Variants in NMS observed in about 807,000 individuals in gnomAD.
NMS encodes the protein neuromedin S, also known as neuromedin-S.
Under a neutral mutation model 32.2 loss-of-function variants are expected in NMS, and 30 were observed. The observed-to-expected ratio is 0.93, with a 90% CI of 0.70 to 1.26. NMS has a LOEUF of 1.26. NMS is among the 50% of genes most tolerant of loss of function. NMS has a pLI of 0.00. For missense variants in NMS, 190 were observed against 186.3 expected, an observed-to-expected ratio of 1.02 and a Z score of -0.12; for synonymous variants, 76 against 58.5, an observed-to-expected ratio of 1.30 and a Z score of -1.37.
chr2:100,483,187 T>A (rs917009656), intron 9 of NMS, 65 bp from the exon 10 acceptor site: 37 of 1,456,598 alleles, frequency 2.5e-5, no homozygotes, highest in Non-Finnish European at 1.9e-6. Flanking sequence ...AACCTGCCCA[T>A]GGGCTTTGTC....
intron 3 of NMS, among the ~76,000 whole-genome samples, chr2:100,474,558 G>C (rs1677070432): frequency 6.6e-6 from 1 of 152,162 alleles, no homozygotes. Context: ...TTTCTTAGTT[G>C]CTCTGTGCCT....
At chr2:100,480,573 C>T (rs768224038) in intron 7 of NMS, 42 bp downstream of exon 7, 1 of 1,610,054 alleles carries the variant, frequency 6.2e-7, no homozygotes, top group Middle Eastern at 2.2e-4. Context: ...AAAGAAAGCC[C>T]TACCCGAGAA....
At chr2:100,478,588 C>T (rs141710450) in intron 5 of NMS, among the ~76,000 whole-genome samples, 153 of 152,260 alleles carry the variant, frequency 1.0e-3, no homozygotes, top group Non-Finnish European at 1.9e-3. Flanking sequence ...CCTTAGCCTC[C>T]CAAGTAGCTG....
intron 3 of NMS, among the ~76,000 whole-genome samples, chr2:100,475,741 T>G (rs1297940233): frequency 6.6e-6 from 1 of 152,114 alleles, no homozygotes; most frequent in East Asian, 1.9e-4. Context: ...GGCTCATGCC[T>G]GTAATCCCAG....
chr2:100,474,265 G>T (rs1677064007), intron 3 of NMS, among the ~76,000 whole-genome samples: 1 of 152,124 alleles, frequency 6.6e-6, no homozygotes, highest in Admixed American at 6.6e-5. Flanking sequence ...CAAAAGGGTG[G>T]TAGGATAGCC....
chr2:100,473,000 CAT>C (rs1355898804), intron 2 of NMS, 150 bp downstream of exon 2: 3 of 522,770 alleles, frequency 5.7e-6, no homozygotes, highest in Non-Finnish European at 1.0e-5. Flanking sequence ...TCATTTAAGG[CAT>C]CCTGAGGGTT....
chr2:100,473,174 C>T (rs551268296), intron 2 of NMS, among the ~76,000 whole-genome samples: 141 of 152,266 alleles, frequency 9.3e-4, no homozygotes, highest in African/African-American at 3.1e-3. Context: ...GATGTACATA[C>T]TTTCAGGGTA....
rs545946447 is a variant in NMS at position 100,470,980 on chromosome 2, GGGCGCGGGA to G, written c.76+419_76+427del. Among the ~76,000 whole-genome samples, 558 of 152,340 alleles carry G rather than the reference GGGCGCGGGA, an allele frequency of 3.7e-3. 3 individuals carry two copies. Among genetic ancestry groups the G allele is most frequent in the Admixed American group, 7.3e-3 (111 of 15,300 alleles). The stretch of plus-strand genomic sequence containing the variant: ...TGGAAATTGATGGGCAGTTCGAGAA[GGGCGCGGGA>G]GGAGCGCACACTGGAAAAAGGAATC... On this transcript the variant is annotated intron_variant, in intron 1 of 9. Coordinates refer to ENST00000376865, the MANE Select transcript of NMS (RefSeq NM_001011717.1).
chr2:100,479,248 T>G, intron 5 of NMS, 105 bp from the exon 6 acceptor site: 1 of 757,398 alleles, frequency 1.3e-6, no homozygotes, highest in Non-Finnish European at 2.0e-6. Flanking sequence ...TTAAACCCAT[T>G]TGTAAGGGAA....
intron 3 of NMS, among the ~76,000 whole-genome samples, chr2:100,474,918 C>T (rs918687965): frequency 6.6e-6 from 1 of 152,194 alleles, no homozygotes. Flanking sequence ...AGTTCTTCAT[C>T]CCTTTGTTAC....
In NMS at chr2:100,480,844, C is replaced by T. The variant is rs558384979; in HGVS notation, c.373-282C>T. Among the ~76,000 whole-genome samples, 274 of 152,302 alleles carry T rather than the reference C, an allele frequency of 1.8e-3. 1 individual carries two copies. The highest frequency in any genetic ancestry group is 3.2e-3 in the Non-Finnish European group (220 of 68,024). On this transcript the variant is annotated intron_variant, in intron 7 of 9. Coordinates refer to ENST00000376865, the MANE Select transcript of NMS (RefSeq NM_001011717.1). ...GGGCCCACATGCCATTGTACAGACT[C>T]CAATAGAGGTACTGCCAGAGCACAA...
At chr2:100,475,601 G>A (rs78282085) in intron 3 of NMS, among the ~76,000 whole-genome samples, 1,569 of 152,286 alleles carry the variant, frequency 0.01, 23 homozygotes, top group South Asian at 0.052. Flanking sequence ...GGATGGGGTA[G>A]TAAAACAAAC....
At chr2:100,475,984 G>A (rs1677102374) in intron 3 of NMS, among the ~76,000 whole-genome samples, 3 of 135,978 alleles carry the variant, frequency 2.2e-5, no homozygotes, top group South Asian at 4.9e-4. Flanking sequence ...GGGTGATGGA[G>A]CGAGACCCTA....
intron 2 of NMS, among the ~76,000 whole-genome samples, chr2:100,473,247 G>A (rs184634481): frequency 2.0e-4 from 30 of 152,188 alleles, no homozygotes; most frequent in Admixed American, 5.9e-4. Context: ...ATGGAATATC[G>A]ATGGATATTA....
chr2:100,478,046 C>A (rs1304490774), intron 5 of NMS, among the ~76,000 whole-genome samples: 2 of 152,208 alleles, frequency 1.3e-5, no homozygotes, highest in Non-Finnish European at 1.5e-5. Flanking sequence ...ACTGCAACCT[C>A]CGCCTCCGGG....
intron 1 of NMS, among the ~76,000 whole-genome samples, chr2:100,471,942 C>T (rs1000174363): frequency 6.6e-6 from 1 of 150,796 alleles, no homozygotes; most frequent in African/African-American, 2.5e-5. Flanking sequence ...AGTGCCTTTA[C>T]CTCATATCTT....
At chr2:100,471,104 G>T (rs1364213319) in intron 1 of NMS, among the ~76,000 whole-genome samples, 1 of 152,178 alleles carries the variant, frequency 6.6e-6, no homozygotes, top group Non-Finnish European at 1.5e-5. Context: ...AGCTGTCCGA[G>T]GTGCTGACCG....
intron 5 of NMS, among the ~76,000 whole-genome samples, chr2:100,477,632 T>C (rs1270478992): frequency 1.3e-5 from 2 of 152,120 alleles, no homozygotes; most frequent in Non-Finnish European, 2.9e-5. Context: ...AGTTAGAGAA[T>C]AAATTACTGA....
chr2:100,470,574 G>A lies in NMS; in HGVS notation c.76+10G>A, dbSNP rs1324449188. 1 of 1,607,784 alleles carries A rather than the reference G, an allele frequency of 6.2e-7. No homozygotes were observed. Among genetic ancestry groups the A allele is most frequent in the Middle Eastern group, 1.7e-4 (1 of 6,056 alleles). On this transcript the variant is annotated intron_variant, in intron 1 of 9. Coordinates refer to ENST00000376865, the MANE Select transcript of NMS (RefSeq NM_001011717.1). ...CAGATTCCCTCCTCAGGTAAGGGGA[G>A]CTTCCTCAGACTCCATCTGGCCTAA...
Sources: allele counts gnomAD v4.1 joint callset (sites outside exome capture counted in the v4.1 genomes callset), GRCh38; gene constraint gnomAD v4.1.1; transcripts MANE v1.5; gene names NCBI Gene and HGNC (gene_info 2026-07-23, HGNC 2026-07-21).